PAPPA: variants seen among roughly 807,000 people sequenced by gnomAD.
The protein encoded by PAPPA is pappalysin-1.
In PAPPA, 60 loss-of-function variants were observed where a neutral mutation model predicts 164.0. That is an observed-to-expected ratio of 0.37 (90% CI 0.30 to 0.45). The LOEUF is 0.45. Among genes scored for constraint, PAPPA ranks in the 20% least tolerant of loss-of-function variants. The pLI is 1.00. For synonymous variants in PAPPA, 875 were observed against 814.1 expected, an observed-to-expected ratio of 1.07 and a Z score of -1.27; for missense variants, 1,782 against 2,087.3, an observed-to-expected ratio of 0.85 and a Z score of 2.85.
intron 10 of PAPPA, among the ~76,000 whole-genome samples, chr9:116,330,816 C>T (rs1429235553): frequency 6.6e-6 from 1 of 152,144 alleles, no homozygotes; most frequent in East Asian, 1.9e-4. Flanking sequence ...CTGCCACTGT[C>T]CCTCAGCCTC....
chr9:116,385,948 G>A lies in PAPPA; in HGVS notation c.4776+3455G>A, dbSNP rs147452974. Among the ~76,000 whole-genome samples, 100 of 152,352 alleles carry A rather than the reference G, an allele frequency of 6.6e-4. No homozygotes were observed. The East Asian group carries it at 0.016, about 24-fold the overall frequency. Reference sequence around the variant, plus strand: ...GTGGAAGAGGCAATGATGAGAAAGTGTGAGATTTTATGGAGAACAGCATGA... The same window carrying A: ...GTGGAAGAGGCAATGATGAGAAAGTATGAGATTTTATGGAGAACAGCATGA... On this transcript the variant is annotated intron_variant, in intron 21 of 21. Coordinates refer to ENST00000328252, the MANE Select transcript of PAPPA (RefSeq NM_002581.5).
intron 4 of PAPPA, 37 bp from the exon 5 acceptor site, chr9:116,219,900 C>A (rs568666029): frequency 1.3e-4 from 200 of 1,550,182 alleles, no homozygotes; most frequent in South Asian, 6.3e-4. Context: ...GCCTGCCTTG[C>A]GGCTTGGTGC....
At chr9:116,206,341 G>A (rs544837358) in intron 2 of PAPPA, among the ~76,000 whole-genome samples, 2 of 152,188 alleles carry the variant, frequency 1.3e-5, no homozygotes, top group South Asian at 4.1e-4. Context: ...GCCTTGACAC[G>A]CTAGATCTCA....
chr9:116,206,329 C>A (rs80296112), intron 2 of PAPPA, among the ~76,000 whole-genome samples: 1 of 152,038 alleles, frequency 6.6e-6, no homozygotes, highest in East Asian at 1.9e-4. Context: ...GTGACATGGG[C>A]GGCCTTGACA....
Position 116,271,477 on chromosome 9 carries a change from C to A in PAPPA, c.2953+61C>A. 3 of 1,152,730 alleles carry A rather than the reference C, an allele frequency of 2.6e-6. No homozygotes were observed. Among genetic ancestry groups the A allele is most frequent in the South Asian group, 2.5e-5 (2 of 81,336 alleles). The allele number at this position is 1,152,730 out of a possible 1,614,324, so 71.4% of individuals were successfully genotyped here. A position where few individuals can be genotyped will look rare whatever the true frequency, so the allele number is the denominator to read the frequency against. ...AAATGAACGGTGCAGAATGGTTGGT[C>A]AATGATAATGCCAACAATAGTTATG... On this transcript the variant is annotated intron_variant, in intron 9 of 21. Coordinates refer to ENST00000328252, the MANE Select transcript of PAPPA (RefSeq NM_002581.5). This position sits in a 1 kb window ranked among gnomAD's most constrained non-coding sequence, Gnocchi z 4.2.
chr9:116,237,416 A>G (rs1012119506), intron 7 of PAPPA, among the ~76,000 whole-genome samples: 1 of 152,204 alleles, frequency 6.6e-6, no homozygotes, highest in Non-Finnish European at 1.5e-5. Context: ...AACTTTCTTT[A>G]TAAAACAATG....
At chr9:116,230,623 G>T (rs1378225388) in intron 6 of PAPPA, among the ~76,000 whole-genome samples, 1 of 152,184 alleles carries the variant, frequency 6.6e-6, no homozygotes. Context: ...ACTAGCAGAA[G>T]ATTCTTCATT....
intron 6 of PAPPA, among the ~76,000 whole-genome samples, chr9:116,233,993 G>A (rs958451998): frequency 3.9e-5 from 6 of 152,082 alleles, no homozygotes; most frequent in Non-Finnish European, 8.8e-5. Context: ...GCTACAATCA[G>A]ACCATTCCAC....
Position 116,153,916 on chromosome 9 carries a change from A to C in PAPPA, c.-257A>C. Reference sequence around the variant, plus strand: ...GGAAGGCAACCAGCTGTTAGGGGAAAAATAAGGCAGATAAAGGAGCGGGGA... The same window carrying C: ...GGAAGGCAACCAGCTGTTAGGGGAACAATAAGGCAGATAAAGGAGCGGGGA... On this transcript the variant is annotated 5_prime_UTR_variant, in exon 1 of 22. Coordinates refer to ENST00000328252, the MANE Select transcript of PAPPA (RefSeq NM_002581.5). 4.2e-6 allele frequency: 1 copy of C among 239,012 alleles called. No individual in the cohort carries two copies. Among genetic ancestry groups the C allele is most frequent in the Non-Finnish European group, 7.4e-6 (1 of 135,622 alleles). 14.8% of individuals were successfully genotyped at this position (239,012 alleles called of 1,614,324 possible).
chr9:116,230,726 A>G (rs1844580646), intron 6 of PAPPA, among the ~76,000 whole-genome samples: 1 of 152,194 alleles, frequency 6.6e-6, no homozygotes, highest in Admixed American at 6.5e-5. Flanking sequence ...TTGTTCATAG[A>G]CAGTGGTTGC....
intron 1 of PAPPA, among the ~76,000 whole-genome samples, chr9:116,157,411 A>C (rs576258305): frequency 6.6e-5 from 10 of 152,336 alleles, no homozygotes; most frequent in African/African-American, 2.4e-4. Flanking sequence ...ACATAAAAAA[A>C]GGGAAGGCTT....
chr9:116,345,242 C>G (rs1236752608), intron 14 of PAPPA, among the ~76,000 whole-genome samples: 3 of 152,048 alleles, frequency 2.0e-5, no homozygotes, highest in Non-Finnish European at 4.4e-5. Flanking sequence ...AATGATGACC[C>G]CACTGTGTGA....
chr9:116,335,915 A>G (rs1846055540), intron 13 of PAPPA, among the ~76,000 whole-genome samples: 1 of 152,272 alleles, frequency 6.6e-6, no homozygotes. Context: ...CTATGCAAAC[A>G]TAACATATTA....
chr9:116,251,425 C>G (rs1844858500), intron 7 of PAPPA, among the ~76,000 whole-genome samples: 1 of 152,132 alleles, frequency 6.6e-6, no homozygotes, highest in Non-Finnish European at 1.5e-5. Context: ...TGGGTTTGCC[C>G]TCTGCCAGTA....
chr9:116,187,415 G>A lies in PAPPA; in HGVS notation c.677G>A (p.Gly226Asp). 1 of 1,614,056 alleles carries A rather than the reference G, an allele frequency of 6.2e-7. No individual in the cohort carries two copies. The highest frequency in any genetic ancestry group is 1.1e-5 in the South Asian group (1 of 91,076). ...QVATSGEQVGGIFSPLTQKCK... is the reference protein window; with the variant it reads ...QVATSGEQVGDIFSPLTQKCK... Reference sequence around the variant, plus strand: ...GCCACCTCTGGGGAACAAGTGGGTGGCATATTCAGCCCACTGACCCAGAAG... The same window carrying A: ...GCCACCTCTGGGGAACAAGTGGGTGACATATTCAGCCCACTGACCCAGAAG... The change falls in exon 2 of 22, where the codon GGC becomes GAC. Residue 226 changes from glycine (G) to aspartate (D), a missense_variant. Physicochemically the swap from Gly to Asp is moderately conservative, Grantham distance 94. Transcript: ENST00000328252. This position sits in a 1 kb window ranked among gnomAD's most constrained non-coding sequence, Gnocchi z 4.2.
rs1447472468 is a variant in PAPPA, at chr9:116,399,260, C to T, written c.*2644C>T. The T allele has an allele frequency of 1.3e-5, 2 of 152,862 alleles. No homozygotes were observed. Among genetic ancestry groups the T allele is most frequent in the Admixed American group, 6.5e-5 (1 of 15,274 alleles). The allele number at this position is 152,862 out of a possible 1,614,324, so 9.5% of individuals were successfully genotyped here. On this transcript the variant is annotated 3_prime_UTR_variant, in exon 22 of 22. Coordinates refer to ENST00000328252, the MANE Select transcript of PAPPA (RefSeq NM_002581.5). ...TCTTCTGAATCAAGACCCACCCAGT[C>T]TCTTTCATTCAGACCTGTTGCTAAC...
rs1432269604 is a variant in PAPPA, at chr9:116,219,848, C to G, written c.1919-89C>G. ...TGGCAAGGAACGACTTGGGTGCTGA[C>G]TCTTGGGCCGCCAGGAGCCGTCATT... On this transcript the variant is annotated intron_variant, in intron 4 of 21. Transcript: ENST00000328252. The G allele has an allele frequency of 2.7e-6, 3 of 1,126,420 alleles. No individual in the cohort carries two copies. The East Asian group carries it at 7.1e-5, about 27-fold the overall frequency. The allele number at this position is 1,126,420 out of a possible 1,614,324, so 69.8% of individuals were successfully genotyped here.
At chr9:116,176,389 A>G (rs1843835220) in intron 1 of PAPPA, among the ~76,000 whole-genome samples, 1 of 152,226 alleles carries the variant, frequency 6.6e-6, no homozygotes, top group African/African-American at 2.4e-5. Flanking sequence ...TAAGGGAGCA[A>G]TGAAACTTCT....
intron 13 of PAPPA, among the ~76,000 whole-genome samples, chr9:116,341,307 T>C (rs905004551): frequency 6.6e-6 from 1 of 152,176 alleles, no homozygotes; most frequent in African/African-American, 2.4e-5. Context: ...CCCAAAGTGC[T>C]GAGATTACAG....
Sources: gnomAD v4.1 joint callset for allele counts (sites outside exome capture counted in the v4.1 genomes callset) on GRCh38, gnomAD v4.1.1 for gene constraint, Gnocchi (gnomAD v3.1) non-coding constraint, MANE v1.5 for transcripts, NCBI Gene and HGNC (gene_info 2026-07-23, HGNC 2026-07-21) for gene names.